Variants in TAFA5 observed in about 807,000 individuals in gnomAD.
The protein encoded by TAFA5 is TAFA chemokine like family member 5, also known as chemokine-like protein TAFA-5.
A neutral mutation model predicts 15.3 loss-of-function variants in TAFA5; 6 were observed. The ratio of observed to expected loss-of-function variants is 0.39; its 90% CI spans 0.21 to 0.77. TAFA5 has a LOEUF of 0.77. Ranked by LOEUF, TAFA5 falls within the 30% of genes least tolerant of loss-of-function variation. The pLI is 0.41. For synonymous variants in TAFA5, 103 were observed against 80.7 expected (o/e 1.28, Z -1.48); for missense variants, 161 against 193.1 (o/e 0.83, Z 0.98).
intron 1 of TAFA5, among the ~76,000 whole-genome samples, chr22:48,588,677 C>G (rs540524250): frequency 7.2e-4 from 109 of 152,276 alleles, no homozygotes; most frequent in African/African-American, 2.5e-3. Context: ...TTCGGTGCCA[C>G]CTCCCTGCCT....
In TAFA5 at chr22:48,708,033, G is replaced by T. The variant is rs559717752; in HGVS notation, c.390+189G>T. Reference sequence around the variant, plus strand: ...TAAATTCCTGACCATCTGTCCTGGGGCAGACGGTCTGTGAGTACATGGGGG... The same window carrying T: ...TAAATTCCTGACCATCTGTCCTGGGTCAGACGGTCTGTGAGTACATGGGGG... On this transcript the variant is annotated intron_variant, in intron 3 of 3. Transcript: ENST00000402357. Among the ~76,000 whole-genome samples the T allele has an allele frequency of 3.2e-3, 490 of 152,126 alleles. 1 individual carries two copies. Among genetic ancestry groups the T allele is most frequent in the African/African-American group, 9.4e-3 (389 of 41,460 alleles).
intron 1 of TAFA5, chr22:48,539,580 C>T (rs1474245566): frequency 4.6e-6 from 2 of 435,926 alleles, no homozygotes; most frequent in South Asian, 1.7e-5. Context: ...AGGAGCCCCT[C>T]AGGTGGAAAT....
intron 1 of TAFA5, among the ~76,000 whole-genome samples, chr22:48,619,840 G>A (rs1925741119): frequency 6.6e-6 from 1 of 152,216 alleles, no homozygotes; most frequent in Non-Finnish European, 1.5e-5. Flanking sequence ...TGTCCTCGTT[G>A]CTCTGGGCCC....
At chr22:48,618,651 G>T (rs1925700798) in intron 1 of TAFA5, among the ~76,000 whole-genome samples, 1 of 152,220 alleles carries the variant, frequency 6.6e-6, no homozygotes, top group African/African-American at 2.4e-5. Flanking sequence ...GCTCCGTCTG[G>T]GAGGTCCCGG....
At chr22:48,695,588 C>T (rs1928684722) in intron 2 of TAFA5, among the ~76,000 whole-genome samples, 2 of 152,180 alleles carry the variant, frequency 1.3e-5, no homozygotes, top group Admixed American at 1.3e-4. Context: ...TCTGTCTGTT[C>T]CCCTGGAGTA....
chr22:48,525,708 G>A (rs913680261), intron 1 of TAFA5, among the ~76,000 whole-genome samples: 8 of 152,254 alleles, frequency 5.3e-5, no homozygotes, highest in African/African-American at 7.2e-5. Flanking sequence ...CTGCTGGCCT[G>A]GTACCCCGCC....
At chr22:48,641,849 A>G (rs183942042) in intron 1 of TAFA5, among the ~76,000 whole-genome samples, 323 of 152,236 alleles carry the variant, frequency 2.1e-3, no homozygotes, top group African/African-American at 7.4e-3. Flanking sequence ...AGGAATTGTG[A>G]TTACTTGCTT....
chr22:48,522,875 G>A (rs1055410754), intron 1 of TAFA5, among the ~76,000 whole-genome samples: 5 of 152,358 alleles, frequency 3.3e-5, no homozygotes, highest in African/African-American at 1.2e-4. Flanking sequence ...CCAGTATATC[G>A]TGGGTCTGCT....
chr22:48,737,556 CTG>C (rs1212393492), intron 3 of TAFA5, among the ~76,000 whole-genome samples: 4 of 152,232 alleles, frequency 2.6e-5, no homozygotes, highest in African/African-American at 9.6e-5. Flanking sequence ...GCACCGCACA[CTG>C]TGCTGGGTGA....
At chr22:48,564,619 T>G (rs1480520991) in intron 1 of TAFA5, among the ~76,000 whole-genome samples, 1 of 152,192 alleles carries the variant, frequency 6.6e-6, no homozygotes, top group Non-Finnish European at 1.5e-5. Flanking sequence ...TTGGAGCATC[T>G]ATGGGCCCAG....
intron 1 of TAFA5, among the ~76,000 whole-genome samples, chr22:48,520,774 A>G (rs1452778702): frequency 6.6e-6 from 1 of 152,006 alleles, no homozygotes; most frequent in Non-Finnish European, 1.5e-5. Flanking sequence ...AACTGCTTCC[A>G]TGTCCTCTCA....
At chr22:48,603,974 G>A (rs759767284) in intron 1 of TAFA5, among the ~76,000 whole-genome samples, 24 of 152,184 alleles carry the variant, frequency 1.6e-4, no homozygotes, top group Non-Finnish European at 3.1e-4. Context: ...TATTATTTGG[G>A]GGACCTTGTG....
At chr22:48,587,445 G>A (rs999544580) in intron 1 of TAFA5, among the ~76,000 whole-genome samples, 3 of 152,146 alleles carry the variant, frequency 2.0e-5, no homozygotes, top group Admixed American at 6.5e-5. Flanking sequence ...GTCCAGGTGT[G>A]GGCTGCAGGC....
At chr22:48,734,288 T>G (rs952675944) in intron 3 of TAFA5, among the ~76,000 whole-genome samples, 1 of 152,220 alleles carries the variant, frequency 6.6e-6, no homozygotes, top group Non-Finnish European at 1.5e-5. Flanking sequence ...GACGCTGACA[T>G]GGGGAGTGGA....
intron 1 of TAFA5, among the ~76,000 whole-genome samples, chr22:48,588,204 G>A (rs34282403): frequency 0.05 from 7,588 of 152,300 alleles, 352 homozygotes; most frequent in African/African-American, 0.12. Context: ...CTGAGCACAG[G>A]TGCGTCTGGT....
intron 1 of TAFA5, among the ~76,000 whole-genome samples, chr22:48,499,938 G>A (rs1920943547): frequency 6.6e-6 from 1 of 152,168 alleles, no homozygotes; most frequent in South Asian, 2.1e-4. Flanking sequence ...TCTGCCTGCA[G>A]CTCCAGATCT....
intron 1 of TAFA5, among the ~76,000 whole-genome samples, chr22:48,638,601 AC>A (rs1926550160): frequency 9.2e-6 from 1 of 108,164 alleles, no homozygotes. Flanking sequence ...CACAGGCAAT[AC>A]CCCTCCCCTG....
intron 1 of TAFA5, among the ~76,000 whole-genome samples, chr22:48,535,208 A>C (rs535689154): frequency 2.5e-4 from 38 of 152,054 alleles, no homozygotes; most frequent in Non-Finnish European, 4.6e-4. Context: ...GCAAATGATC[A>C]CCCCACCACT....
chr22:48,537,932 TC>T (rs1922227694), intron 1 of TAFA5, among the ~76,000 whole-genome samples: 1 of 152,070 alleles, frequency 6.6e-6, no homozygotes, highest in African/African-American at 2.4e-5. Flanking sequence ...CACGATGCCT[TC>T]CATTCCCCCG....
Sources: gnomAD v4.1 joint callset for allele counts (sites outside exome capture counted in the v4.1 genomes callset) on GRCh38, gnomAD v4.1.1 for gene constraint, MANE v1.5 for transcripts, NCBI Gene and HGNC (gene_info 2026-07-23, HGNC 2026-07-21) for gene names.